SETDB2: variants seen among roughly 807,000 people sequenced by gnomAD.
The protein encoded by SETDB2 is SET domain bifurcated histone lysine methyltransferase 2.
SETDB2 carries 56 observed loss-of-function variants against 82.5 expected under a neutral mutation model. The observed-to-expected ratio is 0.68, with a 90% CI of 0.55 to 0.85. The LOEUF (loss-of-function observed/expected upper bound fraction) is 0.85, where lower values mean the gene tolerates loss of function less well. SETDB2 is among the 40% of genes least tolerant of loss of function. The probability of loss-of-function intolerance (pLI) is 0.00; values close to 1 mark genes in which losing one functional copy is unlikely to be tolerated. For missense variants in SETDB2, 677 were observed against 816.4 expected, an observed-to-expected ratio of 0.83 and a Z score of 2.08; for synonymous variants, 272 against 284.9, an observed-to-expected ratio of 0.95 and a Z score of 0.46.
At chr13:49,490,279 CAAAAA>C (rs60013535) in intron 12 of SETDB2, among the ~76,000 whole-genome samples, 22 of 83,166 alleles carry the variant, frequency 2.6e-4, no homozygotes, top group South Asian at 1.3e-3. Context: ...GACTCCGTCT[CAAAAA>C]AAAAAAAAAA....
At chr13:49,476,226 C>T (rs1471357553) in intron 5 of SETDB2, among the ~76,000 whole-genome samples, 1 of 152,156 alleles carries the variant, frequency 6.6e-6, no homozygotes, top group Non-Finnish European at 1.5e-5. Context: ...TTCAAGGCTG[C>T]TCTGTGCTGT....
intron 5 of SETDB2, among the ~76,000 whole-genome samples, chr13:49,472,326 C>A (rs1375787826): frequency 6.6e-6 from 1 of 152,094 alleles, no homozygotes; most frequent in Non-Finnish European, 1.5e-5. Context: ...TTTAGCCTTG[C>A]CAAAAGCTAG....
intron 11 of SETDB2, 121 bp from the exon 12 acceptor site, chr13:49,488,169 C>A: frequency 7.6e-7 from 1 of 1,323,096 alleles, no homozygotes; most frequent in Non-Finnish European, 9.9e-7. Flanking sequence ...ATAATACTAC[C>A]TGCCTAACAC....
rs747450631 is a variant in SETDB2 at position 49,461,102 on chromosome 13, A to T, written c.148A>T (p.Ile50Phe). The T allele has an allele frequency of 1.2e-5, 19 of 1,611,404 alleles. No individual in the cohort carries two copies. In the South Asian group the frequency reaches 2.0e-4, roughly 17 times the overall value. The change falls in exon 4 of 14, where the codon ATC becomes TTC. Residue 50 changes from isoleucine (I) to phenylalanine (F), a missense_variant. This residue lies in a region of SETDB2 where 243 missense variants were observed against 237.2 expected (regional missense o/e 1.02). Coordinates refer to ENST00000611815, the MANE Select transcript of SETDB2 (RefSeq NM_001160308.3). ...TGTTTTTCTGTCTTTAACAGAATACATCCAAGCAATGATTCTAGTGAATGA... is the reference window on the plus strand; with the variant it reads ...TGTTTTTCTGTCTTTAACAGAATACTTCCAAGCAATGATTCTAGTGAATGA... ...KDGSATNKEY[I>F]QAMILVNEAT...
At chr13:49,453,925 A>G (rs913449101) in intron 2 of SETDB2, among the ~76,000 whole-genome samples, 6 of 152,016 alleles carry the variant, frequency 3.9e-5, no homozygotes, top group African/African-American at 1.5e-4. Flanking sequence ...AAATATTTCT[A>G]TATGTAACTG....
rs1958367571 is a variant in SETDB2 at position 49,476,543 on chromosome 13, T to C, written c.373T>C (p.Ser125Pro). The change falls in exon 6 of 14, where the codon TCT (serine) becomes CCT (proline). Residue 125 changes from serine (S) to proline (P), a missense_variant. By Grantham distance (74) the Ser-to-Pro change is moderately conservative. This residue lies in a region of SETDB2 where 243 missense variants were observed against 237.2 expected (regional missense o/e 1.02). Coordinates refer to ENST00000611815, the MANE Select transcript of SETDB2 (RefSeq NM_001160308.3). ...KVVDFREKDSSSNLSYQSHDC... is the reference protein window; with the variant it reads ...KVVDFREKDSPSNLSYQSHDC... ...TGTAGACTTTAGAGAAAAAGACTCA[T>C]CTTCGAATTTATCTTACCAAAGTCA... 2 of 1,613,612 alleles carry C rather than the reference T, an allele frequency of 1.2e-6. No homozygotes were observed. The highest frequency in any genetic ancestry group is 1.7e-6 in the Non-Finnish European group (2 of 1,179,794).
intron 1 of SETDB2, among the ~76,000 whole-genome samples, chr13:49,447,291 C>G (rs965175250): frequency 5.3e-5 from 8 of 152,042 alleles, no homozygotes; most frequent in Admixed American, 3.3e-4. Flanking sequence ...AACATTTTCT[C>G]TTAGCTTCTT....
intron 11 of SETDB2, among the ~76,000 whole-genome samples, chr13:49,487,012 A>G (rs1392969363): frequency 6.6e-6 from 1 of 152,230 alleles, no homozygotes; most frequent in Non-Finnish European, 1.5e-5. Flanking sequence ...CATGTGAGCC[A>G]CAGTGCATAC....
In SETDB2 at chr13:49,451,561, A is replaced by G. The variant is rs975289163; in HGVS notation, c.-333A>G. On this transcript the variant is annotated 5_prime_UTR_variant, in exon 2 of 14. Coordinates refer to ENST00000611815, the MANE Select transcript of SETDB2 (RefSeq NM_001160308.3). Reference sequence around the variant, plus strand: ...TATTGTTTTCCTTACAGAATGTTTCATCCATTTGTGGACCAAAAGATGGAG... The same window carrying G: ...TATTGTTTTCCTTACAGAATGTTTCGTCCATTTGTGGACCAAAAGATGGAG... 4 of 157,342 alleles carry G rather than the reference A, an allele frequency of 2.5e-5. No individual in the cohort carries two copies. Among genetic ancestry groups the G allele is most frequent in the African/African-American group, 7.3e-5 (3 of 41,204 alleles). 9.7% of individuals were successfully genotyped at this position (157,342 alleles called of 1,614,324 possible).
intron 11 of SETDB2, among the ~76,000 whole-genome samples, chr13:49,487,171 A>G (rs2138988380): frequency 6.6e-6 from 1 of 152,340 alleles, no homozygotes; most frequent in Non-Finnish European, 1.5e-5. Flanking sequence ...ATATAAGTAC[A>G]TATAGGAACA....
At position 49,482,804 on chromosome 13, in the gene SETDB2, T is replaced by A. The variant is rs1353821549; in HGVS notation, c.1224T>A (p.Asn408Lys). The A allele has an allele frequency of 5.6e-6, 9 of 1,612,388 alleles. No homozygotes were observed. In the African/African-American group the frequency reaches 1.2e-4, roughly 22 times the overall value. The change falls in exon 9 of 14, where the codon AAT (asparagine) becomes AAA (lysine). Residue 408 changes from asparagine to lysine, a missense_variant. Transcript: ENST00000611815. ...TTGATGAAAACGGGAGAGATGAGAA[T>A]ACTATGAAAAATATATTTTCAAAAA... ...YGIDENGRDE[N>K]TMKNIFSKKR...
chr13:49,459,817 C>G, intron 2 of SETDB2: 2 of 255,872 alleles, frequency 7.8e-6, no homozygotes, highest in Non-Finnish European at 1.5e-5. Context: ...ACATATACCC[C>G]ACAACCACTC....
chr13:49,480,876 A>G, intron 7 of SETDB2, 71 bp from the exon 8 acceptor site: 1 of 1,504,414 alleles, frequency 6.6e-7, no homozygotes, highest in Non-Finnish European at 9.1e-7. Flanking sequence ...AGTAGTTATC[A>G]GTGTCAGTGA....
intron 4 of SETDB2, among the ~76,000 whole-genome samples, chr13:49,463,042 C>G (rs1292050595): frequency 6.6e-6 from 1 of 152,082 alleles, no homozygotes; most frequent in Non-Finnish European, 1.5e-5. Context: ...ATCTTGCTCT[C>G]TCTCCCAGGC....
intron 10 of SETDB2, among the ~76,000 whole-genome samples, chr13:49,484,293 G>C (rs1229320771): frequency 6.6e-6 from 1 of 152,110 alleles, no homozygotes; most frequent in Non-Finnish European, 1.5e-5. Flanking sequence ...TTTTGAGATG[G>C]AGTTTCACTC....
chr13:49,460,451 TAA>T (rs1566159042), intron 3 of SETDB2, among the ~76,000 whole-genome samples: 1 of 152,194 alleles, frequency 6.6e-6, no homozygotes, highest in Non-Finnish European at 1.5e-5. Flanking sequence ...GCTCATTATA[TAA>T]CATTTGGCAC....
intron 2 of SETDB2, among the ~76,000 whole-genome samples, chr13:49,453,867 G>C (rs1957828161): frequency 9.2e-6 from 1 of 108,518 alleles, no homozygotes; most frequent in African/African-American, 3.3e-5. Flanking sequence ...GCAGAGCAAT[G>C]AAGTATATAT....
At chr13:49,458,327 G>A (rs756016982) in intron 2 of SETDB2, among the ~76,000 whole-genome samples, 14 of 151,982 alleles carry the variant, frequency 9.2e-5, no homozygotes, top group African/African-American at 3.1e-4. Flanking sequence ...CTCCTGTCTC[G>A]GTCTCCTAAA....
intron 2 of SETDB2, among the ~76,000 whole-genome samples, chr13:49,458,188 A>G (rs1239527873): frequency 6.6e-6 from 1 of 152,138 alleles, no homozygotes; most frequent in Non-Finnish European, 1.5e-5. Context: ...GGCTCAAGCA[A>G]TCCTCTCGCC....
Sources: allele counts gnomAD v4.1 joint callset (sites outside exome capture counted in the v4.1 genomes callset), GRCh38; gene constraint gnomAD v4.1.1; regional missense constraint gnomAD v4.1.1; transcripts MANE v1.5; gene names NCBI Gene and HGNC (gene_info 2026-07-23, HGNC 2026-07-21).